Variants in ADAMTS14 observed in about 807,000 individuals in gnomAD.
The protein encoded by ADAMTS14 is A disintegrin and metalloproteinase with thrombospondin motifs 14.
Under a neutral mutation model 128.6 loss-of-function variants are expected in ADAMTS14, and 100 were observed. The observed-to-expected ratio is 0.78, with a 90% CI of 0.66 to 0.92. The LOEUF is 0.92. Ranked by LOEUF, ADAMTS14 falls within the 40% of genes least tolerant of loss-of-function variation. ADAMTS14 has a pLI of 0.00. For missense variants in ADAMTS14, 1,562 were observed against 1,658.6 expected (o/e 0.94, Z 1.01); for synonymous variants, 665 against 653.8 (o/e 1.02, Z -0.26).
intron 4 of ADAMTS14, among the ~76,000 whole-genome samples, chr10:70,725,312 A>G (rs186878408): frequency 1.3e-5 from 2 of 152,300 alleles, no homozygotes; most frequent in South Asian, 2.1e-4. Context: ...GAACTTTCCA[A>G]TGATGAAAAA....
chr10:70,746,169 A>G (rs1842172214), intron 15 of ADAMTS14, among the ~76,000 whole-genome samples: 1 of 152,190 alleles, frequency 6.6e-6, no homozygotes, highest in Admixed American at 6.5e-5. Flanking sequence ...TTATAATCAT[A>G]CTTAAACACC....
At chr10:70,715,281 G>T (rs753934) in intron 4 of ADAMTS14, among the ~76,000 whole-genome samples, 9,798 of 152,214 alleles carry the variant, frequency 0.064, 656 homozygotes, top group African/African-American at 0.17. Context: ...TAATGCTGGG[G>T]TTCCAAATGG....
At chr10:70,730,749 T>G (rs1332117311) in intron 6 of ADAMTS14, among the ~76,000 whole-genome samples, 1 of 152,170 alleles carries the variant, frequency 6.6e-6, no homozygotes, top group Non-Finnish European at 1.5e-5. Flanking sequence ...AATACTTGCC[T>G]TCCCCCATTC....
chr10:70,724,322 G>A (rs1422577681), intron 4 of ADAMTS14, among the ~76,000 whole-genome samples: 2 of 152,200 alleles, frequency 1.3e-5, no homozygotes, highest in Non-Finnish European at 2.9e-5. Context: ...TGAGGAGCAG[G>A]GAAGCTGGAC....
chr10:70,741,017 G>T lies in ADAMTS14; in HGVS notation c.1779G>T (p.Gly593=), dbSNP rs375361519. 8 of 1,613,990 alleles carry T rather than the reference G, an allele frequency of 5.0e-6. No homozygotes were observed. Among genetic ancestry groups the T allele is most frequent in the African/African-American group, 1.3e-5 (1 of 74,928 alleles). Residue 593 remains glycine (G), a synonymous_variant, in exon 12 of 22, where the codon GGG becomes GGT. Transcript: ENST00000373207. ...CCTATGGAGGCCGCCTGTGCTTAGG[G>T]CCCATGTTCGAGTACCAGGTCTGCA... ...SPAYGGRLCL[G]PMFEYQVCNS... is the part of the protein sequence containing the mutation.
chr10:70,704,798 T>C (rs111476316), intron 3 of ADAMTS14, among the ~76,000 whole-genome samples: 11,509 of 150,394 alleles, frequency 0.077, 448 homozygotes, highest in African/African-American at 0.11. Context: ...CACTCACACA[T>C]AGACACACAC....
intron 2 of ADAMTS14, among the ~76,000 whole-genome samples, chr10:70,688,725 C>A (rs1358221048): frequency 1.1e-5 from 1 of 90,150 alleles, no homozygotes. Context: ...GGCGTGGCGG[C>A]GCGTGCCTGC....
chr10:70,674,885 G>A lies in ADAMTS14; in HGVS notation c.412G>A (p.Glu138Lys). 5 of 1,613,670 alleles carry A rather than the reference G, an allele frequency of 3.1e-6. No homozygotes were observed. The highest frequency in any genetic ancestry group is 4.2e-6 in the Non-Finnish European group (5 of 1,180,040). Reference sequence around the variant, plus strand: ...GCCAGGATCCTCAGTGGAGTGGCAGGAGGATTTTCGGGAGCTGTTCCGGCA... The same window carrying A: ...GCCAGGATCCTCAGTGGAGTGGCAGAAGGATTTTCGGGAGCTGTTCCGGCA... Reference protein sequence around the residue: ...VVPGSSVEWQEDFRELFRQPL... With the variant: ...VVPGSSVEWQKDFRELFRQPL... Residue 138 changes from glutamate to lysine, a missense_variant, in exon 2 of 22, where the codon GAG (glutamate) becomes AAG (lysine). By Grantham distance (56) the Glu-to-Lys change is moderately conservative. Transcript: ENST00000373207.
At chr10:70,736,010 C>G (rs766579562) in intron 9 of ADAMTS14, among the ~76,000 whole-genome samples, 1 of 152,234 alleles carries the variant, frequency 6.6e-6, no homozygotes, top group African/African-American at 2.4e-5. Context: ...CGCCCCCAAC[C>G]ATGTGTGGAC....
intron 12 of ADAMTS14, among the ~76,000 whole-genome samples, chr10:70,742,329 C>T (rs1275413770): frequency 6.6e-6 from 1 of 151,126 alleles, no homozygotes; most frequent in African/African-American, 2.4e-5. Context: ...TGGATGAAAT[C>T]CAAGGTGGTC....
intron 2 of ADAMTS14, among the ~76,000 whole-genome samples, chr10:70,684,665 A>C (rs1451771816): frequency 1.3e-5 from 2 of 152,218 alleles, no homozygotes; most frequent in Non-Finnish European, 2.9e-5. Flanking sequence ...TGGAGAAATA[A>C]AAGTTAGCAT....
intron 19 of ADAMTS14, among the ~76,000 whole-genome samples, chr10:70,755,434 T>C (rs1211384041): frequency 6.6e-6 from 1 of 152,114 alleles, no homozygotes; most frequent in Non-Finnish European, 1.5e-5. Context: ...GAGGGGTTAG[T>C]GTTTAATAGG....
At chr10:70,759,129 T>TTTTTTTTTTTTTTTTTTTTTTTTTTG (rs1485675752) in intron 21 of ADAMTS14, among the ~76,000 whole-genome samples, 10 of 112,598 alleles carry the variant, frequency 8.9e-5, no homozygotes, top group Admixed American at 2.1e-4. Context: ...TCCAATCTTC[T>TTTTTTTTTTTTTTTTTTTTTTTTTTG]ACTTCTCTGC....
chr10:70,687,257 C>A (rs1168525169), intron 2 of ADAMTS14, among the ~76,000 whole-genome samples: 5 of 105,622 alleles, frequency 4.7e-5, no homozygotes, highest in Admixed American at 2.8e-4. Flanking sequence ...CACCTCCCTC[C>A]CGGACGAGGC....
At chr10:70,753,293 C>T (rs1842399822) in intron 18 of ADAMTS14, among the ~76,000 whole-genome samples, 1 of 152,232 alleles carries the variant, frequency 6.6e-6, no homozygotes, top group Admixed American at 6.5e-5. Context: ...AGGCCACCAG[C>T]ATAGCTACTC....
chr10:70,751,485 C>G lies in ADAMTS14; in HGVS notation c.2435C>G (p.Pro812Arg), dbSNP rs183942580. 1.2e-5 allele frequency: 19 copies of G among 1,604,998 alleles called. No individual in the cohort carries two copies. The East Asian group carries it at 3.4e-4, about 28-fold the overall frequency. The change falls in exon 17 of 22, where the codon CCC (proline) becomes CGC (arginine). Residue 812 changes from proline to arginine, a missense_variant. Coordinates refer to ENST00000373207, the MANE Select transcript of ADAMTS14 (RefSeq NM_080722.4). ...LPEAIAILAL[P>R]PTEGGPRSSL... ...CTCCCCATCTCCCCTCAGGCTCTCC[C>G]CCCAACTGAGGGTGGCCCCCGCAGC...
intron 4 of ADAMTS14, among the ~76,000 whole-genome samples, chr10:70,713,121 C>G (rs1316505774): frequency 6.6e-6 from 1 of 152,336 alleles, no homozygotes; most frequent in East Asian, 1.9e-4. Flanking sequence ...GAAACTCTTT[C>G]AGAGGTACCC....
In ADAMTS14 at chr10:70,674,722, C is replaced by T; in HGVS notation, c.249C>T (p.Leu83=). ...PPTLPRHSSH[L]RVARSPLHPG... is the part of the protein sequence containing the mutation. ...CACTACCACGACACTCCAGTCACCTCCGGGTGGCTCGCAGCCCTCTGCACC... is the reference window on the plus strand; with the variant it reads ...CACTACCACGACACTCCAGTCACCTTCGGGTGGCTCGCAGCCCTCTGCACC... The change falls in exon 2 of 22, where the codon CTC becomes CTT. Residue 83 remains leucine (L), a synonymous_variant. Coordinates refer to ENST00000373207, the MANE Select transcript of ADAMTS14 (RefSeq NM_080722.4). The T allele has an allele frequency of 6.2e-7, 1 of 1,613,494 alleles. No individual in the cohort carries two copies. The highest frequency in any genetic ancestry group is 8.5e-7 in the Non-Finnish European group (1 of 1,180,008).
At chr10:70,682,241 G>C (rs1239781338) in intron 2 of ADAMTS14, among the ~76,000 whole-genome samples, 1 of 152,232 alleles carries the variant, frequency 6.6e-6, no homozygotes, top group African/African-American at 2.4e-5. Context: ...GTAGTCATAG[G>C]GGGTGGGATT....
Sources: allele counts gnomAD v4.1 joint callset (sites outside exome capture counted in the v4.1 genomes callset), GRCh38; gene constraint gnomAD v4.1.1; transcripts MANE v1.5; gene names NCBI Gene and HGNC (gene_info 2026-07-23, HGNC 2026-07-21).